Variants in LRP1B observed in about 807,000 individuals in gnomAD.
LRP1B encodes low-density lipoprotein receptor-related protein 1B.
LRP1B carries 217 observed loss-of-function variants against 556.6 expected under a neutral mutation model. The ratio of observed to expected loss-of-function variants is 0.39; its 90% CI spans 0.35 to 0.44. The LOEUF (loss-of-function observed/expected upper bound fraction) is 0.44, where lower values mean the gene tolerates loss of function less well. LRP1B is among the 20% of genes least tolerant of loss of function. The probability of loss-of-function intolerance (pLI) is 1.00; values close to 1 mark genes in which losing one functional copy is unlikely to be tolerated. For synonymous variants in LRP1B, 2,047 were observed against 1,865.8 expected (o/e 1.10, Z -2.50); for missense variants, 5,053 against 5,620.8 (o/e 0.90, Z 3.23).
At chr2:140,991,011 T>G (rs1337524671) in intron 16 of LRP1B, among the ~76,000 whole-genome samples, 6 of 152,128 alleles carry the variant, frequency 3.9e-5, no homozygotes, top group Non-Finnish European at 5.9e-5. Context: ...TTATCACTTT[T>G]TAGAAAGTTT....
chr2:140,462,102 T>C lies in LRP1B; in HGVS notation c.9626-4451A>G, dbSNP rs112441249. Among the ~76,000 whole-genome samples the C allele has an allele frequency of 6.6e-5, 10 of 152,300 alleles. 1 individual carries two copies. The highest frequency in any genetic ancestry group is 2.4e-4 in the African/African-American group (10 of 41,574). The stretch of plus-strand genomic sequence containing the variant: ...GTTTGGAAAGGTAATCCCCTAAAAC[T>C]TTAAAATTTACAAACATATCAAATC... On this transcript the variant is annotated intron_variant, in intron 60 of 90. Transcript: ENST00000389484.
At chr2:141,025,374 A>T (rs776894711) in intron 11 of LRP1B, among the ~76,000 whole-genome samples, 22 of 152,248 alleles carry the variant, frequency 1.4e-4, no homozygotes, top group Non-Finnish European at 2.2e-4. Context: ...TTGTGTAGCT[A>T]ACTATGTGTG....
At chr2:140,668,235 G>A (rs976024173) in intron 41 of LRP1B, among the ~76,000 whole-genome samples, 2 of 148,630 alleles carry the variant, frequency 1.3e-5, no homozygotes. Context: ...GCGTGAACCC[G>A]GGAGGCGGTG....
chr2:141,160,022 A>G (rs929794826), intron 7 of LRP1B, among the ~76,000 whole-genome samples: 9 of 152,048 alleles, frequency 5.9e-5, no homozygotes, highest in African/African-American at 2.2e-4. Context: ...GAGAACTTAG[A>G]GGGCAGGTCA....
chr2:140,958,849 C>T (rs1003444847), intron 18 of LRP1B, among the ~76,000 whole-genome samples: 2 of 151,352 alleles, frequency 1.3e-5, no homozygotes, highest in Non-Finnish European at 3.0e-5. Context: ...AAAGTGAGAA[C>T]ATTTTAGAAA....
rs772813363 is a variant in LRP1B at position 140,923,122 on chromosome 2, G to T, written c.3162C>A (p.Asn1054Lys). ...CAGGGTGGCACTGAAATTCATTTCC[G>T]TTACAACCAGCAGGAGAATGAATCT... ...KEEIHSPAGC[N>K]GNEFQCHPDG... Residue 1054 changes from asparagine (N) to lysine (K), a missense_variant, in exon 21 of 91, where the codon AAC becomes AAA. Asn to Lys is a moderately conservative substitution (Grantham distance 94, BLOSUM62 0). Transcript: ENST00000389484. The T allele has an allele frequency of 2.5e-6, 4 of 1,611,754 alleles. No individual in the cohort carries two copies. The African/African-American group carries it at 5.3e-5, about 22-fold the overall frequency.
chr2:140,495,229 T>C (rs1054211501), intron 56 of LRP1B, among the ~76,000 whole-genome samples: 2 of 152,068 alleles, frequency 1.3e-5, no homozygotes, highest in Non-Finnish European at 2.9e-5. Flanking sequence ...ATTATAATAA[T>C]GTCACAATAG....
At chr2:140,750,431 T>C (rs1000779470) in intron 35 of LRP1B, among the ~76,000 whole-genome samples, 3 of 136,554 alleles carry the variant, frequency 2.2e-5, no homozygotes, top group African/African-American at 5.4e-5. Flanking sequence ...GATTTCTTTT[T>C]ATATTTTTGT....
chr2:141,493,238 A>G (rs972630673), intron 2 of LRP1B, among the ~76,000 whole-genome samples: 1 of 152,116 alleles, frequency 6.6e-6, no homozygotes, highest in African/African-American at 2.4e-5. Context: ...TTATTACTGT[A>G]CTACATTGTG....
rs797003836 is a variant in LRP1B at position 141,743,486 on chromosome 2, CTTTTTTTTTTTTTTCTTT to C, written c.205+66775_205+66792del. 4.9e-3 allele frequency among the ~76,000 whole-genome samples: 534 copies of C among 108,042 alleles called. 3 individuals carry two copies. The highest frequency in any genetic ancestry group is 0.019 in the African/African-American group (497 of 25,500). 70.9% of individuals were successfully genotyped at this position (108,042 alleles called of 152,430 possible). On this transcript the variant is annotated intron_variant, in intron 2 of 90. Transcript: ENST00000389484. ...TAAGTATTCTCTCCTCTGCTTTTTT[CTTTTTTTTTTTTTTCTTT>C]TTTTTTTTTTTTTGATTAGTTTGAG...
At chr2:141,375,135 C>A (rs1689380621) in intron 3 of LRP1B, among the ~76,000 whole-genome samples, 1 of 151,972 alleles carries the variant, frequency 6.6e-6, no homozygotes, top group South Asian at 2.1e-4. Flanking sequence ...GCTTCTTTAG[C>A]AATACACATA....
intron 2 of LRP1B, among the ~76,000 whole-genome samples, chr2:141,632,913 G>A (rs1354746555): frequency 2.7e-5 from 4 of 150,830 alleles, no homozygotes; most frequent in Non-Finnish European, 5.9e-5. Context: ...CTCTGGGGCA[G>A]GACCATTATT....
At chr2:142,109,794 T>A (rs775161823) in intron 1 of LRP1B, among the ~76,000 whole-genome samples, 1 of 152,114 alleles carries the variant, frequency 6.6e-6, no homozygotes, top group Non-Finnish European at 1.5e-5. Context: ...ACAAAAGTAA[T>A]AAAACATGTT....
chr2:142,033,083 C>A (rs1328784407), intron 1 of LRP1B, among the ~76,000 whole-genome samples: 2 of 151,782 alleles, frequency 1.3e-5, no homozygotes, highest in East Asian at 3.9e-4. Context: ...ATAAGAATCT[C>A]TCAGACTCCC....
intron 35 of LRP1B, among the ~76,000 whole-genome samples, chr2:140,765,393 A>T (rs541885849): frequency 1.3e-5 from 2 of 152,174 alleles, no homozygotes; most frequent in African/African-American, 2.4e-5. Flanking sequence ...TGAATATTGA[A>T]TAGAGCATTA....
At chr2:141,396,011 A>G (rs111675614) in intron 3 of LRP1B, among the ~76,000 whole-genome samples, 7,670 of 152,234 alleles carry the variant, frequency 0.05, 229 homozygotes, top group Middle Eastern at 0.12. Context: ...TGAATGATAC[A>G]ATTATTTTGG....
chr2:141,564,118 T>C (rs753036658), intron 2 of LRP1B, among the ~76,000 whole-genome samples: 1 of 152,110 alleles, frequency 6.6e-6, no homozygotes, highest in Non-Finnish European at 1.5e-5. Flanking sequence ...ACTTAGAAGA[T>C]TGAGTGAAGA....
chr2:141,629,028 GTA>G, intron 2 of LRP1B, among the ~76,000 whole-genome samples: 1 of 152,230 alleles, frequency 6.6e-6, no homozygotes, highest in East Asian at 1.9e-4. Flanking sequence ...TTATCTCCAC[GTA>G]TACATGAGAA....
At chr2:140,949,412 A>G (rs1224332473) in intron 20 of LRP1B, among the ~76,000 whole-genome samples, 1 of 152,140 alleles carries the variant, frequency 6.6e-6, no homozygotes, top group Non-Finnish European at 1.5e-5. Flanking sequence ...GGCGAATGAC[A>G]GGGTTATCAT....
Sources: allele counts gnomAD v4.1 joint callset (sites outside exome capture counted in the v4.1 genomes callset), GRCh38; gene constraint gnomAD v4.1.1; transcripts MANE v1.5; gene names NCBI Gene and HGNC (gene_info 2026-07-23, HGNC 2026-07-21).